LSAMP: variants seen among roughly 807,000 people sequenced by gnomAD.
LSAMP encodes the protein limbic system associated membrane protein, also known as limbic system-associated membrane protein.
In LSAMP, 7 loss-of-function variants were observed where a neutral mutation model predicts 38.6. That is an observed-to-expected ratio of 0.18 (90% confidence interval 0.10 to 0.34). The LOEUF (loss-of-function observed/expected upper bound fraction) is 0.34, where lower values mean the gene tolerates loss of function less well. Among genes scored for constraint, LSAMP ranks in the 10% least tolerant of loss-of-function variants. The probability of loss-of-function intolerance (pLI) is 1.00; values close to 1 mark genes in which losing one functional copy is unlikely to be tolerated. For missense variants in LSAMP, 313 were observed against 420.0 expected, an observed-to-expected ratio of 0.75 and a Z score of 2.23; for synonymous variants, 154 against 166.8, an observed-to-expected ratio of 0.92 and a Z score of 0.59.
At chr3:116,435,358 C>A (rs1190331131) in intron 1 of LSAMP, among the ~76,000 whole-genome samples, 4 of 152,162 alleles carry the variant, frequency 2.6e-5, no homozygotes, top group Admixed American at 1.3e-4. Context: ...ACTCCTGGGG[C>A]TTGTAACTGA....
intron 3 of LSAMP, among the ~76,000 whole-genome samples, chr3:116,018,135 C>T (rs1255692383): frequency 6.6e-6 from 1 of 152,048 alleles, no homozygotes; most frequent in Non-Finnish European, 1.5e-5. Context: ...AAATAAGTGT[C>T]TCATGTATAT....
chr3:116,030,825 A>T (rs976894422), intron 2 of LSAMP, among the ~76,000 whole-genome samples: 1 of 152,176 alleles, frequency 6.6e-6, no homozygotes, highest in Non-Finnish European at 1.5e-5. Flanking sequence ...GTTGCATGGT[A>T]TAATTCTTAG....
At chr3:116,128,545 T>C (rs1709056941) in intron 1 of LSAMP, among the ~76,000 whole-genome samples, 1 of 152,226 alleles carries the variant, frequency 6.6e-6, no homozygotes, top group Admixed American at 6.5e-5. Context: ...GCTCCCATAA[T>C]TGCATTGTGG....
chr3:116,402,338 T>G (rs2048850685), intron 1 of LSAMP, among the ~76,000 whole-genome samples: 1 of 152,214 alleles, frequency 6.6e-6, no homozygotes, highest in South Asian at 2.1e-4. Flanking sequence ...CTGCAAACTG[T>G]TATCTTGTGA....
intron 1 of LSAMP, among the ~76,000 whole-genome samples, chr3:116,252,321 C>G (rs906975903): frequency 1.3e-5 from 2 of 152,108 alleles, no homozygotes; most frequent in Non-Finnish European, 2.9e-5. Flanking sequence ...AGAAAGAACT[C>G]AGTAATCTCA....
In LSAMP at chr3:115,950,798, CAAAAAAAAAAAAAA is replaced by C. The variant is rs56179163; in HGVS notation, c.514+68703_514+68716del. ...CTCACATAACCAAAGCAAGACTTAG[CAAAAAAAAAAAAAA>C]AAAAAAAAAAAAAATCTGGAAGCAT... On this transcript the variant is annotated intron_variant, in intron 3 of 6. Transcript: ENST00000490035. 3.2e-4 allele frequency among the ~76,000 whole-genome samples: 28 copies of C among 86,692 alleles called. 1 individual carries two copies. The highest frequency in any genetic ancestry group is 2.9e-3 in the Admixed American group (23 of 8,016). The allele number at this position is 86,692 out of a possible 152,430, so 56.9% of individuals were successfully genotyped here.
chr3:116,393,406 C>T (rs2048728423), intron 1 of LSAMP, among the ~76,000 whole-genome samples: 1 of 152,230 alleles, frequency 6.6e-6, no homozygotes, highest in African/African-American at 2.4e-5. Context: ...GTTATGGCAC[C>T]TGGAGCTGCC....
At chr3:116,236,437 CAATG>C (rs1158686301) in intron 1 of LSAMP, among the ~76,000 whole-genome samples, 2 of 151,984 alleles carry the variant, frequency 1.3e-5, no homozygotes, top group African/African-American at 2.4e-5. Context: ...TAAAAAGAAA[CAATG>C]AAGAAAATTA....
intron 3 of LSAMP, among the ~76,000 whole-genome samples, chr3:115,991,031 A>C (rs1384073889): frequency 6.6e-6 from 1 of 152,098 alleles, no homozygotes; most frequent in Non-Finnish European, 1.5e-5. Context: ...TAAAAACATT[A>C]ATAAAATGGT....
At chr3:116,168,008 A>G (rs1055168686) in intron 1 of LSAMP, among the ~76,000 whole-genome samples, 1 of 152,198 alleles carries the variant, frequency 6.6e-6, no homozygotes, top group Non-Finnish European at 1.5e-5. Context: ...AAGGAAAACC[A>G]ACTCTGTCCC....
chr3:116,351,107 T>C (rs772727162), intron 1 of LSAMP, among the ~76,000 whole-genome samples: 21 of 151,938 alleles, frequency 1.4e-4, no homozygotes, highest in Non-Finnish European at 2.9e-4. Context: ...AAAGTTTCAA[T>C]AAACTGCCTG....
intron 3 of LSAMP, among the ~76,000 whole-genome samples, chr3:116,015,636 T>C (rs996856997): frequency 3.9e-5 from 6 of 152,150 alleles, no homozygotes; most frequent in African/African-American, 1.4e-4. Context: ...CTTCATCTAA[T>C]TCAGGTGTTT....
At chr3:115,935,069 A>T (rs1036659275) in intron 3 of LSAMP, among the ~76,000 whole-genome samples, 2 of 152,160 alleles carry the variant, frequency 1.3e-5, no homozygotes, top group East Asian at 1.9e-4. Context: ...AAACAAAAAA[A>T]ACCTCACCAA....
chr3:115,997,701 T>C (rs573326951), intron 3 of LSAMP, among the ~76,000 whole-genome samples: 4 of 134,104 alleles, frequency 3.0e-5, no homozygotes, highest in East Asian at 2.3e-4. Context: ...AGGGAAACTA[T>C]TGACATTTTG....
intron 1 of LSAMP, among the ~76,000 whole-genome samples, chr3:116,294,283 A>T (rs2047302330): frequency 6.6e-6 from 1 of 152,166 alleles, no homozygotes; most frequent in South Asian, 2.1e-4. Flanking sequence ...GGCTGGAAGG[A>T]CAATGTTTGG....
At chr3:116,128,447 A>T (rs1709054580) in intron 1 of LSAMP, among the ~76,000 whole-genome samples, 1 of 152,210 alleles carries the variant, frequency 6.6e-6, no homozygotes, top group African/African-American at 2.4e-5. Flanking sequence ...GCTTAGAAAC[A>T]CACACATTCC....
rs748726935 is a variant in LSAMP at position 116,444,906 on chromosome 3, G to A, written c.126C>T (p.Thr42=). Residue 42 remains threonine, a synonymous_variant, in exon 1 of 7, where the codon ACC becomes ACT. Transcript: ENST00000490035. The part of the protein sequence containing the change: ...VDFNRGTDNI[T]VRQGDTAILR... ...GGATGGCTGTGTCCCCCTGCCTCAC[G>A]GTGATGTTGTCCGTGCCTCGGTTAA... 7 of 1,613,912 alleles carry A rather than the reference G, an allele frequency of 4.3e-6. No individual in the cohort carries two copies. In the Admixed American group the frequency reaches 6.7e-5, roughly 15 times the overall value.
At chr3:116,089,285 GTATT>G (rs1198018596) in intron 1 of LSAMP, among the ~76,000 whole-genome samples, 6 of 152,122 alleles carry the variant, frequency 3.9e-5, no homozygotes, top group Non-Finnish European at 7.4e-5. Context: ...GGTTTTATCC[GTATT>G]TATTTTTAAA....
intron 2 of LSAMP, among the ~76,000 whole-genome samples, chr3:116,074,714 G>T (rs1707694918): frequency 6.6e-6 from 1 of 151,850 alleles, no homozygotes; most frequent in African/African-American, 2.4e-5. Context: ...ACAATTTATT[G>T]CTGTTTTACT....
Sources: gnomAD v4.1 joint callset for allele counts (sites outside exome capture counted in the v4.1 genomes callset) on GRCh38, gnomAD v4.1.1 for gene constraint, MANE v1.5 for transcripts, NCBI Gene and HGNC (gene_info 2026-07-23, HGNC 2026-07-21) for gene names.